The following HPN variants were observed in gnomAD, a reference collection of about 807,000 sequenced individuals.
The protein encoded by HPN is serine protease hepsin.
HPN carries 13 observed loss-of-function variants against 55.9 expected under a neutral mutation model. The observed-to-expected ratio is 0.23, with a 90% CI of 0.15 to 0.37. The LOEUF is 0.37. HPN is among the 10% of genes least tolerant of loss of function. HPN has a pLI of 1.00. For missense variants in HPN, 451 were observed against 575.8 expected (o/e 0.78, Z 2.22); for synonymous variants, 225 against 240.3 (o/e 0.94, Z 0.59).
intron 2 of HPN, among the ~76,000 whole-genome samples, chr19:35,044,428 C>T (rs55657649): frequency 0.13 from 19,756 of 152,034 alleles, 1,464 homozygotes; most frequent in African/African-American, 0.2. Context: ...GGAGGTGAAG[C>T]TGGAAGTTGA....
chr19:35,041,704 C>CAA, upstream of HPN: 1 of 1,144,988 alleles, frequency 8.7e-7, no homozygotes, highest in Non-Finnish European at 1.1e-6. Context: ...GCCCCTCGCC[C>CAA]AGCCCCCTCC....
intron 9 of HPN, 150 bp downstream of exon 9, chr19:35,060,967 T>TA (rs1373618925): frequency 1.5e-5 from 11 of 710,806 alleles, no homozygotes; most frequent in Non-Finnish European, 1.8e-5. Flanking sequence ...GGGCCTTAAC[T>TA]ATCAATGATC....
Position 35,060,730 on chromosome 19 carries a change from G to A in HPN, c.724G>A (p.Gly242Ser), listed in dbSNP as rs1288990927. 6.2e-7 allele frequency: 1 copy of A among 1,614,118 alleles called. No individual in the cohort carries two copies. Among genetic ancestry groups the A allele is most frequent in the South Asian group, 1.1e-5 (1 of 91,070 alleles). ...GGTGCAGGCTGTGGTCTACCACGGG[G>A]GCTATCTTCCCTTTCGGGACCCCAA... ...LGVQAVVYHG[G>S]YLPFRDPNSE... Residue 242 changes from glycine to serine, a missense_variant, in exon 9 of 13, where the codon GGC (glycine) becomes AGC (serine). Around this residue, in one of 2 missense-constraint regions of HPN, gnomAD observed 378 missense variants for 445.5 expected, o/e 0.85. Transcript: ENST00000672452.
intron 4 of HPN, among the ~76,000 whole-genome samples, chr19:35,055,841 A>G (rs752987193): frequency 1.2e-4 from 19 of 152,308 alleles, no homozygotes; most frequent in Middle Eastern, 3.4e-3. Context: ...GGGGCCAGGT[A>G]CAGTGGCTCA....
At chr19:35,042,332 C>T (rs914866285) in intron 1 of HPN, 121 bp from the exon 2 acceptor site, 10 of 1,419,562 alleles carry the variant, frequency 7.0e-6, no homozygotes, top group South Asian at 3.1e-5. Context: ...GTGATCACGG[C>T]GTGCTCTGGC....
intron 1 of HPN, 57 bp from the exon 2 acceptor site, chr19:35,042,396 A>AGGACT (rs2064303283): frequency 6.7e-7 from 1 of 1,496,588 alleles, no homozygotes; most frequent in South Asian, 1.3e-5. Context: ...TGGGGGCGCC[A>AGGACT]GGACTGGGCT....
chr19:35,047,991 A>G (rs545205899), intron 2 of HPN, among the ~76,000 whole-genome samples: 2 of 139,640 alleles, frequency 1.4e-5, no homozygotes, highest in South Asian at 4.5e-4. Flanking sequence ...CCCTGTCTCA[A>G]AAAAAAAAAA....
chr19:35,059,690 G>A lies in HPN; in HGVS notation c.178G>A (p.Asp60Asn). ...PLYPVQVSSA[D>N]ARLMVFDKTE... Reference sequence around the variant, plus strand: ...CCCTGCAGTGCAGGTCAGCTCTGCGGACGCTCGGCTCATGGTCTTTGACAA... The same window carrying A: ...CCCTGCAGTGCAGGTCAGCTCTGCGAACGCTCGGCTCATGGTCTTTGACAA... Residue 60 changes from aspartate (D) to asparagine (N), a missense_variant, in exon 5 of 13, where the codon GAC (aspartate) becomes AAC (asparagine). Around this residue, in one of 2 missense-constraint regions of HPN, gnomAD observed 378 missense variants for 445.5 expected, o/e 0.85. Transcript: ENST00000672452. The A allele has an allele frequency of 6.3e-7, 1 of 1,598,980 alleles. No homozygotes were observed. The highest frequency in any genetic ancestry group is 1.1e-5 in the South Asian group (1 of 88,478).
chr19:35,060,334 C>T lies in HPN; in HGVS notation c.455-13C>T, dbSNP rs761772285. The T allele has an allele frequency of 6.2e-7, 1 of 1,610,534 alleles. No homozygotes were observed. The highest frequency in any genetic ancestry group is 8.5e-7 in the Non-Finnish European group (1 of 1,179,850). On this transcript the variant is annotated splice_polypyrimidine_tract_variant and intron_variant, in intron 7 of 12. Coordinates refer to ENST00000672452, the MANE Select transcript of HPN (RefSeq NM_001384133.1). Reference sequence around the variant, plus strand: ...TCCCCTGTCGCCGCCCCCTGCTGACCCTTGTCCCACAGACTGTGGCCGCAG... The same window carrying T: ...TCCCCTGTCGCCGCCCCCTGCTGACTCTTGTCCCACAGACTGTGGCCGCAG...
Position 35,060,612 on chromosome 19 carries a change from C to T in HPN, c.621-15C>T. 1.2e-6 allele frequency: 2 copies of T among 1,613,410 alleles called. No homozygotes were observed. The highest frequency in any genetic ancestry group is 1.1e-5 in the South Asian group (1 of 91,080). ...GCCCAGGCAGGTGGCCACCCTCCAC[C>T]CCTTTCCCTGGTAGGCGGAACCGGG... On this transcript the variant is annotated splice_polypyrimidine_tract_variant and intron_variant, in intron 8 of 12. Coordinates refer to ENST00000672452, the MANE Select transcript of HPN (RefSeq NM_001384133.1).
intron 4 of HPN, among the ~76,000 whole-genome samples, chr19:35,056,369 G>T (rs2064455421): frequency 6.6e-6 from 1 of 152,250 alleles, no homozygotes; most frequent in East Asian, 1.9e-4. Flanking sequence ...TGTCTGATTT[G>T]TTCATTGCAG....
At chr19:35,048,047 A>G (rs113455805) in intron 2 of HPN, among the ~76,000 whole-genome samples, 1 of 51,990 alleles carries the variant, frequency 1.9e-5, no homozygotes, top group Admixed American at 2.8e-4. Flanking sequence ...AAAGAAAGAA[A>G]GAAAGAAAGA....
At chr19:35,040,808 G>A (rs1297962515), upstream of HPN, among the ~76,000 whole-genome samples, 1 of 152,196 alleles carries the variant, frequency 6.6e-6, no homozygotes, top group Non-Finnish European at 1.5e-5. Flanking sequence ...AAACCAGCGT[G>A]TCCCAATGAG....
At position 35,049,323 on chromosome 19, in the gene HPN, A is replaced by G. The variant is rs1021627126; in HGVS notation, c.50A>G (p.Lys17Arg). 3.1e-6 allele frequency: 5 copies of G among 1,591,862 alleles called. No individual in the cohort carries two copies. Among genetic ancestry groups the G allele is most frequent in the Non-Finnish European group, 3.4e-6 (4 of 1,167,122 alleles). ...ACTGTGCCATGCTGCTCCAGACCCA[A>G]GGTGGCAGCTCTCACTGCGGGGACC... ...GRTVPCCSRP[K>R]VAALTAGTLL... Residue 17 changes from lysine to arginine, a missense_variant, in exon 3 of 13, where the codon AAG (lysine) becomes AGG (arginine). Coordinates refer to ENST00000672452, the MANE Select transcript of HPN (RefSeq NM_001384133.1).
intron 4 of HPN, among the ~76,000 whole-genome samples, chr19:35,054,637 C>T (rs2064437338): frequency 6.6e-6 from 1 of 152,186 alleles, no homozygotes; most frequent in Non-Finnish European, 1.5e-5. Flanking sequence ...TTTGAAGTCA[C>T]TCAGACCTGA....
In HPN at chr19:35,060,855, G is replaced by A. The variant is rs369067885; in HGVS notation, c.811+38G>A. 2.7e-5 allele frequency: 41 copies of A among 1,510,356 alleles called. 1 individual carries two copies. In the African/African-American group the frequency reaches 4.7e-4, roughly 17 times the overall value. 93.6% of individuals were successfully genotyped at this position (1,510,356 alleles called of 1,614,324 possible). A position where few individuals can be genotyped will look rare whatever the true frequency, so the allele number is the denominator to read the frequency against. On this transcript the variant is annotated intron_variant, in intron 9 of 12. Transcript: ENST00000672452. The stretch of plus-strand genomic sequence containing the variant: ...GCTGAGCCATGGGGCTTGAGGACCC[G>A]AGGCCAGGAGGACAGAGGAGGGGAC...
At position 35,060,574 on chromosome 19, in the gene HPN, G is replaced by A; in HGVS notation, c.621-53G>A. 2.5e-6 allele frequency: 4 copies of A among 1,612,060 alleles called. No individual in the cohort carries two copies. In the South Asian group the frequency reaches 3.3e-5, roughly 13 times the overall value. The stretch of plus-strand genomic sequence containing the variant: ...AGAGGAGCGGAGAGACAGTGGGGAG[G>A]AGGGCGGATTGTGCCCAGGCAGGTG... On this transcript the variant is annotated intron_variant, in intron 8 of 12. Coordinates refer to ENST00000672452, the MANE Select transcript of HPN (RefSeq NM_001384133.1).
intron 2 of HPN, among the ~76,000 whole-genome samples, chr19:35,047,470 T>C (rs2064353223): frequency 6.6e-6 from 1 of 152,246 alleles, no homozygotes; most frequent in Admixed American, 6.5e-5. Context: ...TGCCCCAGCC[T>C]GCACGGTTTT....
chr19:35,060,854 C>T (rs373401556), intron 9 of HPN, 37 bp downstream of exon 9: 68 of 1,517,138 alleles, frequency 4.5e-5, no homozygotes, highest in South Asian at 3.5e-4. Flanking sequence ...CTTGAGGACC[C>T]GAGGCCAGGA....
Sources: gnomAD v4.1 joint callset for allele counts (sites outside exome capture counted in the v4.1 genomes callset) on GRCh38, gnomAD v4.1.1 for gene constraint, gnomAD v4.1.1 regional missense constraint, MANE v1.5 for transcripts, NCBI Gene and HGNC (gene_info 2026-07-23, HGNC 2026-07-21) for gene names.